The following KCNH7 variants were observed in gnomAD, a reference collection of about 807,000 sequenced individuals.
KCNH7 encodes the protein voltage-gated inwardly rectifying potassium channel KCNH7.
Under a neutral mutation model 120.8 loss-of-function variants are expected in KCNH7, and 49 were observed. That is an observed-to-expected ratio of 0.41 (90% confidence interval 0.32 to 0.51). The LOEUF (loss-of-function observed/expected upper bound fraction) is 0.51, where lower values mean the gene tolerates loss of function less well. KCNH7 is among the 20% of genes least tolerant of loss of function. KCNH7 has a pLI of 0.38. For missense variants in KCNH7, 1,097 were observed against 1,446.6 expected, an observed-to-expected ratio of 0.76 and a Z score of 3.92; for synonymous variants, 547 against 516.1, an observed-to-expected ratio of 1.06 and a Z score of -0.81.
At chr2:162,424,962 G>A (rs1687812213) in intron 8 of KCNH7, among the ~76,000 whole-genome samples, 1 of 152,168 alleles carries the variant, frequency 6.6e-6, no homozygotes, top group African/African-American at 2.4e-5. Flanking sequence ...GGTTTGCAGA[G>A]GAGATTAGCA....
intron 2 of KCNH7, among the ~76,000 whole-genome samples, chr2:162,688,732 C>CTTTTTTTTTTTTTTTTTTTTT (rs71410027): frequency 7.3e-6 from 1 of 137,792 alleles, no homozygotes. Flanking sequence ...TGCCCCCATT[C>CTTTTTTTTTTTTTTTTTTTTT]TTTTTTTTTT....
At chr2:162,399,011 C>G (rs894399169) in intron 10 of KCNH7, among the ~76,000 whole-genome samples, 1 of 151,842 alleles carries the variant, frequency 6.6e-6, no homozygotes, top group African/African-American at 2.4e-5. Context: ...TACTCTGGTT[C>G]TACACAGCAG....
rs552672632 is a variant in KCNH7 at position 162,739,447 on chromosome 2, G to A, written c.307+97090C>T. On this transcript the variant is annotated intron_variant, in intron 2 of 15. Coordinates refer to ENST00000332142, the MANE Select transcript of KCNH7 (RefSeq NM_033272.4). The stretch of plus-strand genomic sequence containing the variant: ...TTCTTTGTTTTTGCCTTATCACTGG[G>A]GCACCATGTCTTTTCTACCTGCTGG... Among the ~76,000 whole-genome samples the A allele has an allele frequency of 1.1e-4, 16 of 152,164 alleles. 1 individual carries two copies. The South Asian group carries it at 3.3e-3, about 32-fold the overall frequency.
chr2:162,536,438 T>G (rs1025075539), intron 3 of KCNH7, among the ~76,000 whole-genome samples: 7 of 151,984 alleles, frequency 4.6e-5, no homozygotes, highest in Admixed American at 1.3e-4. Context: ...TGACACGCTT[T>G]GTTGGCATAG....
chr2:162,392,617 C>G (rs1686777147), intron 12 of KCNH7, among the ~76,000 whole-genome samples: 1 of 151,916 alleles, frequency 6.6e-6, no homozygotes, highest in African/African-American at 2.4e-5. Flanking sequence ...CTACAGGGGG[C>G]CAAATATTTT....
At chr2:162,715,497 G>A (rs1462924472) in intron 2 of KCNH7, among the ~76,000 whole-genome samples, 3 of 152,120 alleles carry the variant, frequency 2.0e-5, no homozygotes, top group African/African-American at 7.2e-5. Context: ...ATCCCATAAT[G>A]TCCCCAGATC....
chr2:162,429,094 T>G (rs539172439), intron 8 of KCNH7, among the ~76,000 whole-genome samples: 1 of 152,028 alleles, frequency 6.6e-6, no homozygotes, highest in Non-Finnish European at 1.5e-5. Flanking sequence ...TGTTATTTTG[T>G]TATTATTTCA....
chr2:162,558,503 C>CTTTTTTTTTTTTTTTTTTTTTTT (rs71410015), intron 2 of KCNH7, among the ~76,000 whole-genome samples: 1 of 80,696 alleles, frequency 1.2e-5, no homozygotes, highest in African/African-American at 4.9e-5. Flanking sequence ...TTCTCAATGG[C>CTTTTTTTTTTTTTTTTTTTTTTT]TTTTTTTTTT....
chr2:162,774,467 T>A (rs111894752), intron 2 of KCNH7, among the ~76,000 whole-genome samples: 133 of 152,238 alleles, frequency 8.7e-4, no homozygotes, highest in African/African-American at 2.6e-3. Context: ...ATGGTAGTAT[T>A]TGATTGTATT....
intron 2 of KCNH7, among the ~76,000 whole-genome samples, chr2:162,568,893 C>A (rs898215575): frequency 6.6e-6 from 1 of 151,804 alleles, no homozygotes; most frequent in Non-Finnish European, 1.5e-5. Flanking sequence ...GGTGGATAAG[C>A]CTTTTGATGT....
intron 7 of KCNH7, among the ~76,000 whole-genome samples, chr2:162,438,096 T>C (rs1688305591): frequency 6.6e-6 from 1 of 152,214 alleles, no homozygotes; most frequent in African/African-American, 2.4e-5. Flanking sequence ...CCAAATTTCT[T>C]TCTGATCCTC....
intron 11 of KCNH7, among the ~76,000 whole-genome samples, chr2:162,396,346 A>C (rs1686911787): frequency 6.6e-6 from 1 of 151,806 alleles, no homozygotes; most frequent in Non-Finnish European, 1.5e-5. Flanking sequence ...CTGATAACCA[A>C]TGTACAGTGT....
intron 2 of KCNH7, among the ~76,000 whole-genome samples, chr2:162,757,652 G>T (rs963805214): frequency 6.6e-6 from 1 of 151,822 alleles, no homozygotes; most frequent in East Asian, 1.9e-4. Flanking sequence ...ATTTCTTCAG[G>T]TTCATAATCA....
At position 162,836,706 on chromosome 2, in the gene KCNH7, A is replaced by G. The variant is rs774159835; in HGVS notation, c.138T>C (p.Asp46=). The G allele has an allele frequency of 6.2e-7, 1 of 1,614,132 alleles. No homozygotes were observed. The highest frequency in any genetic ancestry group is 1.1e-5 in the South Asian group (1 of 91,088). ...AGAAACCAGTCATCTCACAGAACCC[A>G]TCGTTGCAATAAATGATGGCACAGT... is the stretch of plus-strand genomic sequence containing the variant. ...VQNCAIIYCN[D]GFCEMTGFSR... is the part of the protein sequence containing the mutation. The change falls in exon 2 of 16, where the codon GAT becomes GAC. Residue 46 remains aspartate, a synonymous_variant. Transcript: ENST00000332142.
chr2:162,768,672 A>G (rs1357558691), intron 2 of KCNH7, among the ~76,000 whole-genome samples: 1 of 152,140 alleles, frequency 6.6e-6, no homozygotes, highest in Non-Finnish European at 1.5e-5. Flanking sequence ...GAGCTTCATA[A>G]GTGTTGTCAG....
chr2:162,433,577 T>C (rs557382789), intron 8 of KCNH7, among the ~76,000 whole-genome samples: 2 of 152,200 alleles, frequency 1.3e-5, no homozygotes, highest in East Asian at 3.9e-4. Context: ...GCTAGCCATA[T>C]GCAGAAGTGC....
At chr2:162,588,668 G>T (rs1161580441) in intron 2 of KCNH7, among the ~76,000 whole-genome samples, 2 of 152,150 alleles carry the variant, frequency 1.3e-5, no homozygotes, top group Admixed American at 6.5e-5. Flanking sequence ...TAAATATAAT[G>T]TATACTAATC....
At chr2:162,498,195 T>C (rs1425544378) in intron 6 of KCNH7, among the ~76,000 whole-genome samples, 1 of 152,050 alleles carries the variant, frequency 6.6e-6, no homozygotes, top group Non-Finnish European at 1.5e-5. Flanking sequence ...TCCACTGAAT[T>C]CACCAGACAT....
chr2:162,405,599 A>G (rs1687189552), intron 9 of KCNH7, among the ~76,000 whole-genome samples: 3 of 151,992 alleles, frequency 2.0e-5, no homozygotes. Context: ...GTTAATATTC[A>G]TAATTAAGTA....
Sources: gnomAD v4.1 joint callset for allele counts (sites outside exome capture counted in the v4.1 genomes callset) on GRCh38, gnomAD v4.1.1 for gene constraint, MANE v1.5 for transcripts, NCBI Gene and HGNC (gene_info 2026-07-23, HGNC 2026-07-21) for gene names.